Variants in KDR observed in about 807,000 individuals in gnomAD.
KDR encodes the protein vascular endothelial growth factor receptor 2.
KDR carries 43 observed loss-of-function variants against 160.9 expected under a neutral mutation model. That is an observed-to-expected ratio of 0.27 (90% CI 0.21 to 0.34). The LOEUF (loss-of-function observed/expected upper bound fraction) is 0.34. Ranked by LOEUF, KDR falls within the 10% of genes least tolerant of loss-of-function variation. The probability of loss-of-function intolerance (pLI) is 1.00; values close to 1 mark genes in which losing one functional copy is unlikely to be tolerated. For synonymous variants in KDR, 617 were observed against 600.1 expected (o/e 1.03, Z -0.41); for missense variants, 1,469 against 1,666.4 (o/e 0.88, Z 2.06).
At chr4:55,090,255 C>T (rs1227964206) in intron 22 of KDR, among the ~76,000 whole-genome samples, 177 bp from the exon 23 acceptor site, 1 of 152,132 alleles carries the variant, frequency 6.6e-6, no homozygotes, top group South Asian at 2.1e-4. Flanking sequence ...TGCTGAGACA[C>T]ACATCTGCTT....
At chr4:55,091,006 C>A (rs926766696) in intron 22 of KDR, among the ~76,000 whole-genome samples, 1 of 151,966 alleles carries the variant, frequency 6.6e-6, no homozygotes, top group Admixed American at 6.6e-5. Flanking sequence ...AGGTGTGCCA[C>A]CACGCCCAGC....
In KDR at chr4:55,080,107, G is replaced by C; in HGVS notation, c.3905C>G (p.Thr1302Arg). 1 of 1,614,058 alleles carries C rather than the reference G, an allele frequency of 6.2e-7. No homozygotes were observed. The highest frequency in any genetic ancestry group is 8.5e-7 in the Non-Finnish European group (1 of 1,180,042). Reference sequence around the variant, plus strand: ...GTGATATCCGGACTGGTAGCCGCTTGTCTGGTTTGAGCCTTCAGATGCCAC... The same window carrying C: ...GTGATATCCGGACTGGTAGCCGCTTCTCTGGTTTGAGCCTTCAGATGCCAC... ...ESVASEGSNQ[T>R]SGYQSGYHSD... The change falls in exon 30 of 30, where the codon ACA (threonine) becomes AGA (arginine). Residue 1302 changes from threonine to arginine, a missense_variant. Thr to Arg is a moderately conservative substitution (Grantham distance 71, BLOSUM62 -1). This residue lies in a region of KDR where 229 missense variants were observed against 197.8 expected (regional missense o/e 1.16). Transcript: ENST00000263923.
intron 19 of KDR, 32 bp from the exon 20 acceptor site, chr4:55,095,697 G>T: frequency 6.6e-7 from 1 of 1,503,790 alleles, no homozygotes; most frequent in East Asian, 2.3e-5. Context: ...AGGAAAATGG[G>T]TTTTCACTCA....
At chr4:55,117,667 G>GA (rs1427312778) in intron 3 of KDR, among the ~76,000 whole-genome samples, 1 of 152,124 alleles carries the variant, frequency 6.6e-6, no homozygotes, top group African/African-American at 2.4e-5. Context: ...CTGCTTCTGG[G>GA]AAAAAAGTCT....
intron 7 of KDR, among the ~76,000 whole-genome samples, 195 bp downstream of exon 7, chr4:55,113,109 T>G (rs2110029999): frequency 6.6e-6 from 1 of 152,350 alleles, no homozygotes; most frequent in Admixed American, 6.5e-5. Context: ...ACATCTCATC[T>G]TTAAAGTTGA....
chr4:55,123,118 C>A (rs961466025), intron 1 of KDR, among the ~76,000 whole-genome samples: 2 of 151,998 alleles, frequency 1.3e-5, no homozygotes, highest in Non-Finnish European at 2.9e-5. Context: ...CCAAAACAGG[C>A]AAACAAAAAA....
chr4:55,089,556 T>C, intron 24 of KDR, 83 bp from the exon 25 acceptor site: 1 of 1,324,462 alleles, frequency 7.6e-7, no homozygotes, highest in East Asian at 2.3e-5. Flanking sequence ...CACATCCTCA[T>C]CACCTATGTA....
chr4:55,103,456 C>A (rs1237817750), intron 13 of KDR, among the ~76,000 whole-genome samples: 2 of 152,166 alleles, frequency 1.3e-5, no homozygotes, highest in Admixed American at 1.3e-4. Context: ...GGAAGCAAAG[C>A]AGCTAACTGC....
chr4:55,103,657 G>A (rs909102405), intron 13 of KDR, among the ~76,000 whole-genome samples: 17 of 152,078 alleles, frequency 1.1e-4, no homozygotes, highest in African/African-American at 1.4e-4. Context: ...TAAAACTAGC[G>A]AACTTTATGC....
Position 55,082,620 on chromosome 4 carries a change from G to T in KDR, c.3678C>A (p.Asn1226Lys), listed in dbSNP as rs751902659. ...TCACAGGCCGGCTCTTTCGCTTACTGTTCTGCAGATACTGACTGCAAAAGA... is the reference window on the plus strand; with the variant it reads ...TCACAGGCCGGCTCTTTCGCTTACTTTTCTGCAGATACTGACTGCAAAAGA... ...NTAGISQYLQNSKRKSRPVSV... is the reference protein window; with the variant it reads ...NTAGISQYLQKSKRKSRPVSV... Residue 1226 changes from asparagine (N) to lysine (K), a missense_variant, in exon 28 of 30, where the codon AAC becomes AAA. Physicochemically the swap from Asn to Lys is moderately conservative, Grantham distance 94. Coordinates refer to ENST00000263923, the MANE Select transcript of KDR (RefSeq NM_002253.4). 4 of 1,613,590 alleles carry T rather than the reference G, an allele frequency of 2.5e-6. No homozygotes were observed. The highest frequency in any genetic ancestry group is 2.5e-6 in the Non-Finnish European group (3 of 1,179,612).
chr4:55,111,085 T>C (rs983669101), intron 7 of KDR, among the ~76,000 whole-genome samples: 1 of 152,130 alleles, frequency 6.6e-6, no homozygotes, highest in Non-Finnish European at 1.5e-5. Context: ...GCTTGGGTGC[T>C]CCTTCTCCTC....
chr4:55,097,497 A>G (rs886173554), intron 18 of KDR, among the ~76,000 whole-genome samples, 165 bp downstream of exon 18: 1 of 152,184 alleles, frequency 6.6e-6, no homozygotes, highest in Non-Finnish European at 1.5e-5. Flanking sequence ...GCATAAAGCT[A>G]CAAAGGAGGA....
At chr4:55,121,934 GA>G (rs930110045) in intron 1 of KDR, among the ~76,000 whole-genome samples, 10 of 151,974 alleles carry the variant, frequency 6.6e-5, no homozygotes, top group African/African-American at 2.4e-4. Flanking sequence ...AAAAGTATAT[GA>G]ATATTTTCGT....
At chr4:55,097,510 C>T (rs1008670589) in intron 18 of KDR, 152 bp downstream of exon 18, 1 of 616,386 alleles carries the variant, frequency 1.6e-6, no homozygotes. Flanking sequence ...AAGGAGGATC[C>T]TTTTTCCAAT....
intron 11 of KDR, among the ~76,000 whole-genome samples, chr4:55,106,296 G>T (rs1720444617): frequency 1.3e-5 from 2 of 152,046 alleles, no homozygotes. Context: ...TTGGATTTGG[G>T]GTTTTTAGGT....
chr4:55,098,558 C>T (rs1720220943), intron 16 of KDR, 139 bp downstream of exon 16: 2 of 761,422 alleles, frequency 2.6e-6, no homozygotes, highest in Non-Finnish European at 4.6e-6. Context: ...AGAAAGTGGG[C>T]AGGAACGTTA....
At chr4:55,124,139 G>A (rs768059146) in intron 1 of KDR, among the ~76,000 whole-genome samples, 2 of 152,166 alleles carry the variant, frequency 1.3e-5, no homozygotes, top group Non-Finnish European at 2.9e-5. Context: ...TCCTGGTACT[G>A]TATGTGGGTG....
chr4:55,084,823 C>G (rs534154164), intron 27 of KDR, among the ~76,000 whole-genome samples: 2 of 152,300 alleles, frequency 1.3e-5, no homozygotes, highest in East Asian at 3.9e-4. Context: ...CAGCACTGTT[C>G]TCTTGTCATG....
At chr4:55,097,900 T>C (rs1194989819) in intron 17 of KDR, 134 bp from the exon 18 acceptor site, 1 of 833,964 alleles carries the variant, frequency 1.2e-6, no homozygotes, top group Non-Finnish European at 2.0e-6. Context: ...TACTCCTTTG[T>C]CCTGGCTTAA....
Sources: allele counts gnomAD v4.1 joint callset (sites outside exome capture counted in the v4.1 genomes callset), GRCh38; gene constraint gnomAD v4.1.1; regional missense constraint gnomAD v4.1.1; transcripts MANE v1.5; gene names NCBI Gene and HGNC (gene_info 2026-07-23, HGNC 2026-07-21).